CCDC91: variants seen among roughly 807,000 people sequenced by gnomAD.
The protein encoded by CCDC91 is coiled-coil domain-containing protein 91.
Under a neutral mutation model 63.2 loss-of-function variants are expected in CCDC91, and 48 were observed. That is an observed-to-expected ratio of 0.76 (90% CI 0.60 to 0.97). The LOEUF (loss-of-function observed/expected upper bound fraction) is 0.97. CCDC91 is among the 50% of genes least tolerant of loss of function. The pLI is 0.00. For missense variants in CCDC91, 500 were observed against 494.6 expected, an observed-to-expected ratio of 1.01 and a Z score of -0.10; for synonymous variants, 167 against 165.8, an observed-to-expected ratio of 1.01 and a Z score of -0.06.
chr12:28,305,365 T>A (rs1186554714), intron 3 of CCDC91, among the ~76,000 whole-genome samples: 1 of 152,096 alleles, frequency 6.6e-6, no homozygotes, highest in African/African-American at 2.4e-5. Context: ...ATGTACTCCT[T>A]ATGGCACTGT....
chr12:28,399,613 G>A (rs1325058920), intron 8 of CCDC91, among the ~76,000 whole-genome samples: 2 of 152,192 alleles, frequency 1.3e-5, no homozygotes, highest in South Asian at 2.1e-4. Context: ...CTGCCTATGA[G>A]CCTGTAGAAT....
intron 7 of CCDC91, among the ~76,000 whole-genome samples, chr12:28,374,006 C>G (rs1228147637): frequency 6.6e-6 from 1 of 152,142 alleles, no homozygotes; most frequent in East Asian, 1.9e-4. Context: ...AACTGTGAAT[C>G]AATTAAACCT....
At chr12:28,520,453 T>C (rs1387165617) in intron 12 of CCDC91, among the ~76,000 whole-genome samples, 3 of 152,218 alleles carry the variant, frequency 2.0e-5, no homozygotes, top group Non-Finnish European at 2.9e-5. Context: ...TTAAGTTCTT[T>C]GTAGATTCTG....
intron 7 of CCDC91, among the ~76,000 whole-genome samples, chr12:28,370,808 T>C (rs1944572279): frequency 6.7e-6 from 1 of 149,124 alleles, no homozygotes; most frequent in African/African-American, 2.4e-5. Flanking sequence ...AAGCACCTTC[T>C]TCGCAAGACA....
At chr12:28,195,692 G>A (rs1941708489) in intron 1 of CCDC91, among the ~76,000 whole-genome samples, 1 of 152,122 alleles carries the variant, frequency 6.6e-6, no homozygotes, top group South Asian at 2.1e-4. Context: ...GTACATTTTA[G>A]AATCTCTTTA....
intron 6 of CCDC91, among the ~76,000 whole-genome samples, chr12:28,344,951 G>C (rs1005547999): frequency 6.6e-6 from 1 of 152,100 alleles, no homozygotes; most frequent in Non-Finnish European, 1.5e-5. Context: ...TTGTTCCTCA[G>C]CTTTGGTGTC....
At chr12:28,235,012 T>G (rs1256343113) in intron 1 of CCDC91, among the ~76,000 whole-genome samples, 1 of 152,148 alleles carries the variant, frequency 6.6e-6, no homozygotes, top group Non-Finnish European at 1.5e-5. Context: ...CAAGTTTGAT[T>G]AGGTGTTTTC....
chr12:28,328,350 A>G (rs1941205208), intron 6 of CCDC91, among the ~76,000 whole-genome samples: 1 of 152,136 alleles, frequency 6.6e-6, no homozygotes. Flanking sequence ...GATTTTCAGC[A>G]TCAAACTAGA....
chr12:28,476,388 G>A (rs190417353), intron 11 of CCDC91, among the ~76,000 whole-genome samples: 1 of 152,066 alleles, frequency 6.6e-6, no homozygotes, highest in East Asian at 1.9e-4. Flanking sequence ...GTAATGAAAT[G>A]AAGGCACAAA....
At chr12:28,268,168 C>T (rs950641168) in intron 3 of CCDC91, among the ~76,000 whole-genome samples, 1 of 150,784 alleles carries the variant, frequency 6.6e-6, no homozygotes, top group Non-Finnish European at 1.5e-5. Flanking sequence ...GGTTCAAGAG[C>T]TTTTCCTGCC....
At chr12:28,350,518 G>T (rs1405792064) in intron 6 of CCDC91, among the ~76,000 whole-genome samples, 1 of 152,166 alleles carries the variant, frequency 6.6e-6, no homozygotes, top group Non-Finnish European at 1.5e-5. Flanking sequence ...GGTACTTGAG[G>T]TTTTTTGGTG....
chr12:28,487,666 A>G (rs766364290), intron 12 of CCDC91, among the ~76,000 whole-genome samples: 1 of 151,546 alleles, frequency 6.6e-6, no homozygotes, highest in Admixed American at 6.6e-5. Context: ...TTTTTAAACT[A>G]AAGAGTCAAC....
intron 1 of CCDC91, among the ~76,000 whole-genome samples, chr12:28,199,938 T>G (rs901786218): frequency 6.6e-6 from 1 of 151,790 alleles, no homozygotes; most frequent in Non-Finnish European, 1.5e-5. Flanking sequence ...TTTATCCTAC[T>G]TTGAGTTTAT....
At chr12:28,252,966 A>T (rs1242171593) in intron 1 of CCDC91, among the ~76,000 whole-genome samples, 1 of 152,160 alleles carries the variant, frequency 6.6e-6, no homozygotes, top group South Asian at 2.1e-4. Flanking sequence ...ATAGATGAGG[A>T]AACTGAGGCA....
intron 12 of CCDC91, among the ~76,000 whole-genome samples, chr12:28,505,738 T>A (rs1305398697): frequency 6.6e-6 from 1 of 151,946 alleles, no homozygotes; most frequent in Non-Finnish European, 1.5e-5. Flanking sequence ...AGCTTCTGTA[T>A]CTGAAAAGAT....
chr12:28,256,878 G>A (rs1027868605), intron 1 of CCDC91: 10 of 232,942 alleles, frequency 4.3e-5, no homozygotes, highest in Non-Finnish European at 8.4e-5. Flanking sequence ...GACAACTGAG[G>A]AATAGATGCA....
intron 7 of CCDC91, among the ~76,000 whole-genome samples, chr12:28,381,771 G>C (rs1213449129): frequency 6.6e-6 from 1 of 152,010 alleles, no homozygotes; most frequent in East Asian, 1.9e-4. Flanking sequence ...AGCACTACTT[G>C]GTGCCATTTT....
chr12:28,493,725 T>C (rs1402680024), intron 12 of CCDC91, among the ~76,000 whole-genome samples: 1 of 151,652 alleles, frequency 6.6e-6, no homozygotes, highest in African/African-American at 2.4e-5. Flanking sequence ...GTAATACAAC[T>C]AAAATAATAA....
intron 7 of CCDC91, among the ~76,000 whole-genome samples, chr12:28,379,115 T>G (rs1945124615): frequency 6.6e-6 from 1 of 151,980 alleles, no homozygotes; most frequent in African/African-American, 2.4e-5. Flanking sequence ...GAATAAAAAT[T>G]TCAAGTTTCT....
Sources: gnomAD v4.1 joint callset for allele counts (sites outside exome capture counted in the v4.1 genomes callset) on GRCh38, gnomAD v4.1.1 for gene constraint, MANE v1.5 for transcripts, NCBI Gene and HGNC (gene_info 2026-07-23, HGNC 2026-07-21) for gene names.